The following CTNND2 variants were observed in gnomAD, a reference collection of about 807,000 sequenced individuals.
CTNND2 encodes the protein catenin delta 2.
Under a neutral mutation model 144.4 loss-of-function variants are expected in CTNND2, and 22 were observed. That is an observed-to-expected ratio of 0.15 (90% CI 0.11 to 0.22). The LOEUF is 0.22. Ranked by LOEUF, CTNND2 falls within the 10% of genes least tolerant of loss-of-function variation. The probability of loss-of-function intolerance (pLI) is 1.00; values close to 1 mark genes in which losing one functional copy is unlikely to be tolerated. For synonymous variants in CTNND2, 751 were observed against 695.6 expected (o/e 1.08, Z -1.25); for missense variants, 1,353 against 1,618.8 (o/e 0.84, Z 2.82).
chr5:11,259,590 T>C (rs149482891), intron 9 of CTNND2, among the ~76,000 whole-genome samples: 44 of 152,326 alleles, frequency 2.9e-4, no homozygotes, highest in African/African-American at 1.1e-3. Flanking sequence ...ACTGTTCTTT[T>C]AGACACTACG....
intron 13 of CTNND2, among the ~76,000 whole-genome samples, chr5:11,117,092 T>A (rs1580332184): frequency 1.3e-5 from 2 of 150,872 alleles, no homozygotes. Context: ...AAAAAGCAGG[T>A]AGTTTTAACA....
chr5:11,338,819 G>T (rs1379135614), intron 9 of CTNND2, among the ~76,000 whole-genome samples: 1 of 152,162 alleles, frequency 6.6e-6, no homozygotes, highest in Non-Finnish European at 1.5e-5. Flanking sequence ...AAGAACTCTT[G>T]AAAAGGAAGT....
chr5:11,314,640 T>C lies in CTNND2; in HGVS notation c.1628+31732A>G, dbSNP rs534981775. Reference sequence around the variant, plus strand: ...CCTCAGCCTCCAAGATTGCTGGGATTACTGGCATAGGCCACTGCACCTGGC... The same window carrying C: ...CCTCAGCCTCCAAGATTGCTGGGATCACTGGCATAGGCCACTGCACCTGGC... On this transcript the variant is annotated intron_variant, in intron 9 of 21. Coordinates refer to ENST00000304623, the MANE Select transcript of CTNND2 (RefSeq NM_001332.4). Among the ~76,000 whole-genome samples, 98 of 152,372 alleles carry C rather than the reference T, an allele frequency of 6.4e-4. 1 individual carries two copies. The highest frequency in any genetic ancestry group is 2.3e-3 in the African/African-American group (94 of 41,592).
chr5:11,559,169 G>A (rs13182625), intron 3 of CTNND2, among the ~76,000 whole-genome samples: 10,731 of 152,120 alleles, frequency 0.071, 552 homozygotes, highest in East Asian at 0.28. Context: ...ACACGTGTGT[G>A]GGTGGGATTG....
intron 1 of CTNND2, among the ~76,000 whole-genome samples, chr5:11,896,247 A>T (rs1737383849): frequency 1.3e-5 from 2 of 152,214 alleles, no homozygotes; most frequent in South Asian, 4.1e-4. Flanking sequence ...AAAAATAAAT[A>T]CTAATTACAT....
chr5:10,998,856 T>C (rs926298521), intron 18 of CTNND2, among the ~76,000 whole-genome samples: 1 of 152,244 alleles, frequency 6.6e-6, no homozygotes, highest in Admixed American at 6.5e-5. Context: ...GTAGGTTATA[T>C]GCAAATACTG....
chr5:11,656,119 A>G (rs1782900620), intron 2 of CTNND2, among the ~76,000 whole-genome samples: 2 of 152,144 alleles, frequency 1.3e-5, no homozygotes, highest in African/African-American at 4.8e-5. Flanking sequence ...ATAAATTGGC[A>G]TGAGACTATA....
intron 11 of CTNND2, among the ~76,000 whole-genome samples, chr5:11,195,363 T>C (rs956470480): frequency 6.6e-6 from 1 of 152,184 alleles, no homozygotes; most frequent in African/African-American, 2.4e-5. Context: ...TTTCAGGAAC[T>C]TATGAGAGAG....
At chr5:11,260,024 T>C (rs1055924568) in intron 9 of CTNND2, among the ~76,000 whole-genome samples, 1 of 152,240 alleles carries the variant, frequency 6.6e-6, no homozygotes, top group Non-Finnish European at 1.5e-5. Flanking sequence ...GACTTTCCTA[T>C]GCAGCTCTGC....
At chr5:11,566,489 C>A (rs191963662) in intron 2 of CTNND2, among the ~76,000 whole-genome samples, 181 of 152,214 alleles carry the variant, frequency 1.2e-3, no homozygotes, top group Non-Finnish European at 2.3e-3. Flanking sequence ...GACTTCTTAA[C>A]GTATTGCATC....
intron 11 of CTNND2, among the ~76,000 whole-genome samples, chr5:11,186,345 A>C (rs1263286211): frequency 6.6e-6 from 1 of 152,224 alleles, no homozygotes; most frequent in African/African-American, 2.4e-5. Context: ...ACCCCAGTTA[A>C]CACTGCCATC....
At chr5:11,633,374 G>A (rs1003994086) in intron 2 of CTNND2, among the ~76,000 whole-genome samples, 4 of 152,080 alleles carry the variant, frequency 2.6e-5, no homozygotes, top group Non-Finnish European at 4.4e-5. Context: ...AACTAACTAC[G>A]GAGCCCCAAA....
In CTNND2 at chr5:10,972,121, G is replaced by GTAAT. The variant is rs1255687709; in HGVS notation, c.*1328_*1331dup. On this transcript the variant is annotated 3_prime_UTR_variant, in exon 22 of 22. Transcript: ENST00000304623. ...TTTACATTTTCTGTGGATACTTCAA[G>GTAAT]TAATTGGCCCCAAAGTGAAACTGAA... The GTAAT allele has an allele frequency of 6.6e-6, 1 of 152,664 alleles. No homozygotes were observed. The highest frequency in any genetic ancestry group is 2.4e-5 in the African/African-American group (1 of 41,446). The allele number at this position is 152,664 out of a possible 1,614,324, so 9.5% of individuals were successfully genotyped here. A position where few individuals can be genotyped will look rare whatever the true frequency, so the allele number is the denominator to read the frequency against.
chr5:11,217,560 T>A (rs1228171439), intron 10 of CTNND2, among the ~76,000 whole-genome samples: 1 of 152,208 alleles, frequency 6.6e-6, no homozygotes, highest in Non-Finnish European at 1.5e-5. Flanking sequence ...ATGCATTTAG[T>A]GGACATCTCT....
chr5:11,123,102 C>G (rs2149703429), intron 12 of CTNND2, among the ~76,000 whole-genome samples: 1 of 152,266 alleles, frequency 6.6e-6, no homozygotes, highest in South Asian at 2.1e-4. Flanking sequence ...CAAGCACTGC[C>G]TTTTCTACCT....
chr5:11,411,420 T>C, intron 5 of CTNND2, 116 bp downstream of exon 5: 1 of 662,262 alleles, frequency 1.5e-6, no homozygotes, highest in Non-Finnish European at 2.7e-6. Flanking sequence ...AAAACAAGTA[T>C]AAAAATATCC....
intron 9 of CTNND2, among the ~76,000 whole-genome samples, chr5:11,268,280 C>G (rs562385811): frequency 1.3e-5 from 2 of 152,090 alleles, no homozygotes; most frequent in South Asian, 4.1e-4. Context: ...ACCAAAGATT[C>G]GATTTAAAAA....
intron 3 of CTNND2, among the ~76,000 whole-genome samples, chr5:11,558,278 A>G (rs927120342): frequency 6.6e-5 from 10 of 152,192 alleles, no homozygotes; most frequent in South Asian, 4.1e-4. Flanking sequence ...AAGGGCTCAC[A>G]GTCAAGGGAA....
chr5:11,051,668 T>G (rs1388522425), intron 16 of CTNND2, among the ~76,000 whole-genome samples: 1 of 152,258 alleles, frequency 6.6e-6, no homozygotes, highest in Non-Finnish European at 1.5e-5. Context: ...GAATTAGGTT[T>G]CTTTTTTTAA....
Sources: allele counts gnomAD v4.1 joint callset (sites outside exome capture counted in the v4.1 genomes callset), GRCh38; gene constraint gnomAD v4.1.1; transcripts MANE v1.5; gene names NCBI Gene and HGNC (gene_info 2026-07-23, HGNC 2026-07-21).